Variants in SOCS7 observed in about 807,000 individuals in gnomAD.
SOCS7 encodes suppressor of cytokine signaling 7.
SOCS7 carries 18 observed loss-of-function variants against 58.9 expected under a neutral mutation model. The observed-to-expected ratio is 0.31, with a 90% confidence interval of 0.21 to 0.45. SOCS7 has a LOEUF of 0.45. SOCS7 is among the 20% of genes least tolerant of loss of function. The pLI, the probability that SOCS7 is intolerant of heterozygous loss-of-function variation, is 1.00. For synonymous variants in SOCS7, 388 were observed against 364.3 expected (o/e 1.06, Z -0.74); for missense variants, 667 against 837.3 (o/e 0.80, Z 2.51).
intron 7 of SOCS7, among the ~76,000 whole-genome samples, chr17:38,380,644 T>A (rs12600497): frequency 0.18 from 26,927 of 145,598 alleles, 2,916 homozygotes; most frequent in African/African-American, 0.31. Context: ...AAAAAAAAAA[T>A]AATAATAATA....
intron 7 of SOCS7, among the ~76,000 whole-genome samples, chr17:38,379,337 G>A (rs1197187978): frequency 6.6e-6 from 1 of 151,988 alleles, no homozygotes; most frequent in Non-Finnish European, 1.5e-5. Context: ...AATTAGCCAG[G>A]TGTGGTGGCA....
rs2038321993 is a variant in SOCS7 at position 38,401,766 on chromosome 17, A to G, written c.*2284A>G. On this transcript the variant is annotated 3_prime_UTR_variant, in exon 10 of 10. Transcript: ENST00000612932. Reference sequence around the variant, plus strand: ...CATGAGCAAAAGCAAGGAAGCAGAAATCTGCATGGCATGTACTGAACAGTG... The same window carrying G: ...CATGAGCAAAAGCAAGGAAGCAGAAGTCTGCATGGCATGTACTGAACAGTG... The G allele has an allele frequency of 6.6e-6, 1 of 152,292 alleles. No individual in the cohort carries two copies. The highest frequency in any genetic ancestry group is 6.5e-5 in the Admixed American group (1 of 15,290). 9.4% of individuals were successfully genotyped at this position (152,292 alleles called of 1,614,324 possible).
At chr17:38,363,075 C>T (rs143656970) in intron 2 of SOCS7, among the ~76,000 whole-genome samples, 25 of 152,106 alleles carry the variant, frequency 1.6e-4, no homozygotes, top group African/African-American at 5.8e-4. Context: ...GATTTTGCCA[C>T]TGCACTCCAG....
intron 5 of SOCS7, among the ~76,000 whole-genome samples, chr17:38,367,124 G>C (rs900590616): frequency 6.6e-6 from 1 of 152,166 alleles, no homozygotes; most frequent in Non-Finnish European, 1.5e-5. Context: ...GAGTGCAGTG[G>C]CGCAATCTCG....
intron 6 of SOCS7, among the ~76,000 whole-genome samples, chr17:38,369,611 C>T (rs1326756890): frequency 2.0e-5 from 3 of 151,664 alleles, no homozygotes; most frequent in Admixed American, 6.6e-5. Flanking sequence ...AAATACTTGA[C>T]CTTTAAGTTC....
At chr17:38,387,149 A>ATG (rs1312912452) in intron 7 of SOCS7, among the ~76,000 whole-genome samples, 9 of 125,562 alleles carry the variant, frequency 7.2e-5, no homozygotes, top group African/African-American at 2.7e-4. Context: ...ATATATATAT[A>ATG]TATGATTAAT....
chr17:38,385,460 TA>T (rs1453960738), intron 7 of SOCS7, among the ~76,000 whole-genome samples: 25 of 150,326 alleles, frequency 1.7e-4, no homozygotes, highest in Non-Finnish European at 3.7e-4. Context: ...TTTTTTTTTT[TA>T]AATAGAAAAC....
At chr17:38,357,569 A>C (rs1207305557) in intron 1 of SOCS7, among the ~76,000 whole-genome samples, 3 of 152,066 alleles carry the variant, frequency 2.0e-5, no homozygotes, top group Non-Finnish European at 4.4e-5. Context: ...TTTATGATGG[A>C]GTTTTGGATC....
intron 6 of SOCS7, among the ~76,000 whole-genome samples, chr17:38,369,280 G>A (rs143758596): frequency 1.4e-3 from 214 of 152,244 alleles, no homozygotes; most frequent in Non-Finnish European, 2.3e-3. Context: ...AGGCCCCACA[G>A]CATCTTCCCC....
chr17:38,373,041 G>A (rs1266633404), intron 6 of SOCS7, among the ~76,000 whole-genome samples: 2 of 152,078 alleles, frequency 1.3e-5, no homozygotes, highest in East Asian at 1.9e-4. Flanking sequence ...GGGAGGCAGA[G>A]GTTGTGGTGA....
At position 38,365,386 on chromosome 17, in the gene SOCS7, C is replaced by T. The variant is rs145376452; in HGVS notation, c.1229C>T (p.Pro410Leu). ...TCCTTGCAGTCTTTCCCCCTACCTC[C>T]GCCTCCTCCACCCCATGCCCCAGGT... ...GSSLQSFPLP[P>L]PPPPHAPDAF... The change falls in exon 4 of 10, where the codon CCG becomes CTG. Residue 410 changes from proline to leucine, a missense_variant. Pro to Leu is a moderately conservative substitution (Grantham distance 98). Coordinates refer to ENST00000612932, the MANE Select transcript of SOCS7 (RefSeq NM_014598.4). 1.4e-5 allele frequency: 23 copies of T among 1,612,120 alleles called. No homozygotes were observed. The highest frequency in any genetic ancestry group is 1.9e-5 in the Non-Finnish European group (22 of 1,179,126).
At position 38,396,764 on chromosome 17, in the gene SOCS7, C is replaced by G. The variant is rs538640738; in HGVS notation, c.*30+766C>G. On this transcript the variant is annotated intron_variant, in intron 9 of 9. Coordinates refer to ENST00000612932, the MANE Select transcript of SOCS7 (RefSeq NM_014598.4). Reference sequence around the variant, plus strand: ...GAACACAATTGCCAGGGAGCCATGACTTTGGTGGTGGTGGTGACAAGCAAG... The same window carrying G: ...GAACACAATTGCCAGGGAGCCATGAGTTTGGTGGTGGTGGTGACAAGCAAG... 6.6e-5 allele frequency among the ~76,000 whole-genome samples: 10 copies of G among 152,318 alleles called. No homozygotes were observed. The East Asian group carries it at 1.9e-3, about 29-fold the overall frequency.
At chr17:38,387,133 G>GTATATATATA (rs1191192504) in intron 7 of SOCS7, among the ~76,000 whole-genome samples, 10 of 73,458 alleles carry the variant, frequency 1.4e-4, no homozygotes, top group Admixed American at 3.2e-4. Context: ...ATATATGTAT[G>GTATATATATA]TATATATATA....
At chr17:38,355,002 T>C (rs587647804) in intron 1 of SOCS7, among the ~76,000 whole-genome samples, 27 of 152,298 alleles carry the variant, frequency 1.8e-4, no homozygotes, top group Middle Eastern at 3.4e-3. Flanking sequence ...GCAGAGCAAA[T>C]TGGGCTGTAG....
chr17:38,353,751 AC>A (rs1350156622), intron 1 of SOCS7, among the ~76,000 whole-genome samples: 9 of 152,124 alleles, frequency 5.9e-5, no homozygotes, highest in African/African-American at 2.2e-4. Context: ...AAACAAACAA[AC>A]AAAAAATTAG....
At chr17:38,379,410 C>T (rs546103697) in intron 7 of SOCS7, among the ~76,000 whole-genome samples, 33 of 152,098 alleles carry the variant, frequency 2.2e-4, no homozygotes, top group Admixed American at 1.8e-3. Flanking sequence ...ACCTAGGAAG[C>T]GGAGGTTGCA....
chr17:38,389,908 G>GTACATATATATATGTACAT (rs2038146914), intron 7 of SOCS7, among the ~76,000 whole-genome samples: 1 of 6,780 alleles, frequency 1.5e-4, no homozygotes, highest in Non-Finnish European at 3.6e-4. Flanking sequence ...TACACATATA[G>GTACATATATATATGTACAT]AGAGAGAGAG....
chr17:38,386,581 G>A (rs547092391), intron 7 of SOCS7, among the ~76,000 whole-genome samples: 5 of 151,976 alleles, frequency 3.3e-5, no homozygotes, highest in Non-Finnish European at 7.4e-5. Flanking sequence ...CTTAGCAGCT[G>A]TTCATTGGGA....
chr17:38,357,852 C>G (rs1179679293), intron 1 of SOCS7, among the ~76,000 whole-genome samples: 1 of 152,152 alleles, frequency 6.6e-6, no homozygotes, highest in Admixed American at 6.6e-5. Flanking sequence ...GGTTATTATT[C>G]TTTCATTGTT....
Sources: allele counts gnomAD v4.1 joint callset (sites outside exome capture counted in the v4.1 genomes callset), GRCh38; gene constraint gnomAD v4.1.1; transcripts MANE v1.5; gene names NCBI Gene and HGNC (gene_info 2026-07-23, HGNC 2026-07-21).